Variants in TMEM39B observed in about 807,000 individuals in gnomAD.
TMEM39B encodes transmembrane protein 39B.
In TMEM39B, 23 loss-of-function variants were observed where a neutral mutation model predicts 52.2. That is an observed-to-expected ratio of 0.44 (90% CI 0.32 to 0.62). The LOEUF (loss-of-function observed/expected upper bound fraction) is 0.62, where lower values mean the gene tolerates loss of function less well. TMEM39B is among the 20% of genes least tolerant of loss of function. The pLI, the probability that TMEM39B is intolerant of heterozygous loss-of-function variation, is 0.06. For synonymous variants in TMEM39B, 285 were observed against 264.0 expected (o/e 1.08, Z -0.77); for missense variants, 547 against 642.0 (o/e 0.85, Z 1.60).
At chr1:32,087,338 AAAAG>A (rs1640398814) in intron 5 of TMEM39B, among the ~76,000 whole-genome samples, 1 of 148,616 alleles carries the variant, frequency 6.7e-6, no homozygotes, top group East Asian at 2.0e-4. Flanking sequence ...AAAAAAAAAA[AAAAG>A]GCCGGGTGCG....
intron 7 of TMEM39B, among the ~76,000 whole-genome samples, chr1:32,098,682 G>A (rs1405058728): frequency 1.3e-5 from 2 of 152,118 alleles, no homozygotes; most frequent in Non-Finnish European, 1.5e-5. Context: ...GCAGTGAGCC[G>A]AGATAGAGAT....
Position 32,093,612 on chromosome 1 carries a change from A to G in TMEM39B, c.928-1172A>G, listed in dbSNP as rs927958421. On this transcript the variant is annotated intron_variant, in intron 6 of 8. Coordinates refer to ENST00000336294, the MANE Select transcript of TMEM39B (RefSeq NM_018056.4). ...TTTTTAGTAGAGACGGGGTTTCGCT[A>G]TATTGGCCAGGCCAGTCTCGAACTC... Among the ~76,000 whole-genome samples, 3 of 149,742 alleles carry G rather than the reference A, an allele frequency of 2.0e-5. No individual in the cohort carries two copies. In the Admixed American group the frequency reaches 2.0e-4, roughly 10 times the overall value.
intron 5 of TMEM39B, among the ~76,000 whole-genome samples, chr1:32,084,175 A>T (rs1481783770): frequency 6.6e-6 from 1 of 152,062 alleles, no homozygotes; most frequent in Non-Finnish European, 1.5e-5. Context: ...TTATTGACAA[A>T]AGAATGATGA....
chr1:32,092,638 G>A (rs1433521524), intron 6 of TMEM39B, among the ~76,000 whole-genome samples: 1 of 151,990 alleles, frequency 6.6e-6, no homozygotes, highest in Non-Finnish European at 1.5e-5. Flanking sequence ...TCATAGACAT[G>A]TGCCACCATG....
At position 32,074,992 on chromosome 1, in the gene TMEM39B, C is replaced by G; in HGVS notation, c.46C>G (p.Pro16Ala). Residue 16 changes from proline (P) to alanine (A), a missense_variant, in exon 2 of 9, where the codon CCG becomes GCG. By Grantham distance (27) the Pro-to-Ala change is conservative. Transcript: ENST00000336294. ...CAACAGGACATCTTACTGTCGAAAT[C>G]CGCTCTGTGAGCCGGGATCCTCGGG... ...GPNRTSYCRNPLCEPGSSGGS... is the reference protein window; with the variant it reads ...GPNRTSYCRNALCEPGSSGGS... The G allele has an allele frequency of 6.4e-7, 1 of 1,551,616 alleles. No homozygotes were observed. The highest frequency in any genetic ancestry group is 8.7e-7 in the Non-Finnish European group (1 of 1,146,962).
chr1:32,079,484 A>C (rs559251299), intron 5 of TMEM39B, among the ~76,000 whole-genome samples: 1 of 152,016 alleles, frequency 6.6e-6, no homozygotes, highest in East Asian at 1.9e-4. Flanking sequence ...GCGCCTGGCC[A>C]ACCTGTTCTA....
At chr1:32,081,115 T>C (rs1640076308) in intron 5 of TMEM39B, among the ~76,000 whole-genome samples, 1 of 151,770 alleles carries the variant, frequency 6.6e-6, no homozygotes, top group South Asian at 2.1e-4. Flanking sequence ...TAGAAAAACA[T>C]TAGTCTCCAA....
intron 1 of TMEM39B, among the ~76,000 whole-genome samples, 195 bp from the exon 2 acceptor site, chr1:32,074,756 G>A (rs760239973): frequency 6.6e-6 from 1 of 152,142 alleles, no homozygotes; most frequent in Non-Finnish European, 1.5e-5. Flanking sequence ...AGCATGGGGC[G>A]GGTGGTAGAG....
chr1:32,100,206 A>T (rs1313431752), intron 7 of TMEM39B, among the ~76,000 whole-genome samples: 1 of 152,202 alleles, frequency 6.6e-6, no homozygotes, highest in Non-Finnish European at 1.5e-5. Flanking sequence ...GGTTCTCTCA[A>T]CAGTCTCTTA....
chr1:32,073,378 A>G, intron 1 of TMEM39B: 1 of 261,900 alleles, frequency 3.8e-6, no homozygotes, highest in South Asian at 1.2e-4. Context: ...GATTCTGGGC[A>G]GGGGGCGCTA....
In TMEM39B at chr1:32,086,135, C is replaced by T. The variant is rs142391479; in HGVS notation, c.591-5540C>T. 2.6e-3 allele frequency among the ~76,000 whole-genome samples: 394 copies of T among 152,184 alleles called. 1 individual carries two copies. Among genetic ancestry groups the T allele is most frequent in the African/African-American group, 9.3e-3 (385 of 41,516 alleles). ...TTACTCAATTTCTTTAGAAAAGAAT[C>T]CTTCAGGGTGTGTTGTATGAGGTGA... On this transcript the variant is annotated intron_variant, in intron 5 of 8. Coordinates refer to ENST00000336294, the MANE Select transcript of TMEM39B (RefSeq NM_018056.4).
chr1:32,101,270 C>G (rs904113838), intron 8 of TMEM39B, among the ~76,000 whole-genome samples: 10 of 152,098 alleles, frequency 6.6e-5, no homozygotes, highest in Admixed American at 3.3e-4. Context: ...TTTTTAGATA[C>G]TGAAATCAGC....
In TMEM39B at chr1:32,102,683, T is replaced by C; in HGVS notation, c.*10T>C. ...CCACCGTTTCTCCTGAGCCCTGGGG[T>C]CACCTCAGGGACAGCGTCCAGGCTT... is the stretch of plus-strand genomic sequence containing the variant. On this transcript the variant is annotated 3_prime_UTR_variant, in exon 9 of 9. Transcript: ENST00000336294. 1 of 1,536,886 alleles carries C rather than the reference T, an allele frequency of 6.5e-7. No individual in the cohort carries two copies. Among genetic ancestry groups the C allele is most frequent in the Non-Finnish European group, 8.8e-7 (1 of 1,138,594 alleles).
intron 6 of TMEM39B, among the ~76,000 whole-genome samples, chr1:32,093,133 C>T (rs1433170030): frequency 6.6e-6 from 1 of 152,044 alleles, no homozygotes; most frequent in Non-Finnish European, 1.5e-5. Context: ...GAGTCTCGCT[C>T]TGTCGCCCAG....
intron 7 of TMEM39B, among the ~76,000 whole-genome samples, chr1:32,098,500 A>G (rs1197464191): frequency 6.6e-6 from 1 of 151,988 alleles, no homozygotes; most frequent in Non-Finnish European, 1.5e-5. Flanking sequence ...TGGGAGGCCA[A>G]GGCGGGCGGA....
chr1:32,096,451 C>CTATTTT (rs1243569868), intron 7 of TMEM39B, among the ~76,000 whole-genome samples: 1 of 105,028 alleles, frequency 9.5e-6, no homozygotes, highest in South Asian at 3.5e-4. Context: ...CTCCTCTGGC[C>CTATTTT]TTTTTTTTTT....
At chr1:32,076,639 C>T (rs758588112) in intron 3 of TMEM39B, 124 bp from the exon 4 acceptor site, 14 of 989,864 alleles carry the variant, frequency 1.4e-5, no homozygotes, top group South Asian at 4.1e-5. Context: ...AGCTGGAGGC[C>T]GATGAAGGTC....
chr1:32,081,190 A>ATTTGTTTGTTTGTTTG (rs113300673), intron 5 of TMEM39B, among the ~76,000 whole-genome samples: 6 of 149,958 alleles, frequency 4.0e-5, no homozygotes, highest in African/African-American at 1.5e-4. Context: ...GGGTTTTTTT[A>ATTTGTTTGTTTGTTTG]TTTGTTTGTT....
At chr1:32,073,244 A>C in intron 1 of TMEM39B, 193 bp downstream of exon 1, 3 of 615,146 alleles carry the variant, frequency 4.9e-6, no homozygotes, top group Non-Finnish European at 7.1e-6. Flanking sequence ...GGGACATTGG[A>C]CGGTGGGCGG....
Sources: gnomAD v4.1 joint callset for allele counts (sites outside exome capture counted in the v4.1 genomes callset) on GRCh38, gnomAD v4.1.1 for gene constraint, MANE v1.5 for transcripts, NCBI Gene and HGNC (gene_info 2026-07-23, HGNC 2026-07-21) for gene names.